The following BSPH1 variants were observed in gnomAD, a reference collection of about 807,000 sequenced individuals.
BSPH1 encodes binder of sperm protein homolog 1, also known as binder of sperm 1.
In BSPH1, 21 loss-of-function variants were observed where a neutral mutation model predicts 22.5. The observed-to-expected ratio is 0.93, with a 90% CI of 0.66 to 1.35. BSPH1 has a LOEUF of 1.35. Ranked by LOEUF, BSPH1 falls within the 40% of genes most tolerant of loss-of-function variation. The pLI is 0.00. For synonymous variants in BSPH1, 42 were observed against 53.6 expected (o/e 0.78, Z 0.95); for missense variants, 141 against 154.2 (o/e 0.91, Z 0.45).
chr19:47,976,978 C>T, intron 4 of BSPH1, 124 bp from the exon 5 acceptor site: 1 of 890,426 alleles, frequency 1.1e-6, no homozygotes, highest in Non-Finnish European at 1.7e-6. Flanking sequence ...CAAATGTGCA[C>T]ACATACACAT....
intron 1 of BSPH1, among the ~76,000 whole-genome samples, chr19:47,984,171 TATATATATAATATAA>T (rs1287662464): frequency 6.9e-6 from 1 of 145,468 alleles, no homozygotes; most frequent in Non-Finnish European, 1.5e-5. Flanking sequence ...AAAATATATA[TATATATATAATATAA>T]ATATATATAA....
At chr19:47,976,619 A>T in intron 5 of BSPH1, 91 bp downstream of exon 5, 17 of 823,934 alleles carry the variant, frequency 2.1e-5, no homozygotes, top group East Asian at 3.0e-5. Flanking sequence ...CTCTCTAATG[A>T]GAAAGGGTTC....
At chr19:47,978,001 GAT>G (rs10609973) in intron 3 of BSPH1, among the ~76,000 whole-genome samples, 1,310 of 110,436 alleles carry the variant, frequency 0.012, 24 homozygotes, top group East Asian at 0.091. Context: ...GTTAATACAG[GAT>G]ATATATATAT....
intron 1 of BSPH1, among the ~76,000 whole-genome samples, chr19:47,987,241 T>C (rs946062433): frequency 6.6e-6 from 1 of 152,172 alleles, no homozygotes; most frequent in Non-Finnish European, 1.5e-5. Flanking sequence ...ACAATCCAGT[T>C]TGTGGAGGCT....
At chr19:47,981,247 T>C (rs1242698528) in intron 1 of BSPH1, among the ~76,000 whole-genome samples, 3 of 99,912 alleles carry the variant, frequency 3.0e-5, no homozygotes, top group African/African-American at 1.4e-4. Context: ...CACTTCATCA[T>C]AGGTTTCTGA....
intron 4 of BSPH1, among the ~76,000 whole-genome samples, 189 bp from the exon 5 acceptor site, chr19:47,977,043 G>A (rs147867590): frequency 2.0e-5 from 3 of 152,202 alleles, no homozygotes; most frequent in African/African-American, 7.2e-5. Context: ...ACACACACGC[G>A]CAAATACACA....
intron 1 of BSPH1, among the ~76,000 whole-genome samples, chr19:47,989,119 ATTATT>A (rs1232733478): frequency 5.3e-5 from 4 of 75,566 alleles, no homozygotes; most frequent in Admixed American, 1.3e-4. Context: ...TTTTATTATT[ATTATT>A]ATTATTATTA....
At chr19:47,980,522 G>A (rs1318297209) in intron 2 of BSPH1, 1 of 186,040 alleles carries the variant, frequency 5.4e-6, no homozygotes, top group African/African-American at 2.5e-5. Context: ...AGGCTGGAGT[G>A]CAGTGGCGTG....
chr19:47,977,529 T>A (rs772685776), intron 3 of BSPH1, 25 bp from the exon 4 acceptor site: 36 of 1,550,280 alleles, frequency 2.3e-5, no homozygotes, highest in Middle Eastern at 1.7e-4. Flanking sequence ...ATTCTTCCTC[T>A]GTTTCTGGGT....
rs7259334 is a variant in BSPH1, at chr19:47,984,678, A to T, written c.74-3737T>A. Among the ~76,000 whole-genome samples the T allele has an allele frequency of 7.7e-3, 1,169 of 152,274 alleles. 5 individuals carry two copies. Among genetic ancestry groups the T allele is most frequent in the Admixed American group, 0.013 (202 of 15,294 alleles). On this transcript the variant is annotated intron_variant, in intron 1 of 5. Coordinates refer to ENST00000344839, the MANE Select transcript of BSPH1 (RefSeq NM_001128326.2). Reference sequence around the variant, plus strand: ...AACCAAATACCACATGTTCTCACTTATAAGTGGGAACTAAACATTGGGTGC... The same window carrying T: ...AACCAAATACCACATGTTCTCACTTTTAAGTGGGAACTAAACATTGGGTGC...
chr19:47,990,003 C>T (rs932482871), intron 1 of BSPH1, among the ~76,000 whole-genome samples: 2 of 151,470 alleles, frequency 1.3e-5, no homozygotes, highest in Admixed American at 1.3e-4. Flanking sequence ...CCTTTAGTCC[C>T]AGCTACTCGG....
chr19:47,984,040 T>A (rs1969444864), intron 1 of BSPH1, among the ~76,000 whole-genome samples: 1 of 151,430 alleles, frequency 6.6e-6, no homozygotes, highest in African/African-American at 2.4e-5. Flanking sequence ...AGAGACAGGG[T>A]TTTGCCATGT....
rs575248047 is a variant in BSPH1 at position 47,984,895 on chromosome 19, T to C, written c.74-3954A>G. On this transcript the variant is annotated intron_variant, in intron 1 of 5. Transcript: ENST00000344839. ...TTCAAGACCAGCCTGGCCAACATGATGAAATCCCGTCTCTACTAAAAATTA... is the reference window on the plus strand; with the variant it reads ...TTCAAGACCAGCCTGGCCAACATGACGAAATCCCGTCTCTACTAAAAATTA... Among the ~76,000 whole-genome samples the C allele has an allele frequency of 1.7e-4, 26 of 151,836 alleles. 1 individual carries two copies. The highest frequency in any genetic ancestry group is 5.6e-4 in the African/African-American group (23 of 41,418).
intron 3 of BSPH1, among the ~76,000 whole-genome samples, chr19:47,979,263 A>G (rs1213987042): frequency 6.6e-6 from 1 of 151,954 alleles, no homozygotes; most frequent in Non-Finnish European, 1.5e-5. Flanking sequence ...GAGACAAAAT[A>G]TTTCTCTACT....
chr19:47,980,596 G>A (rs1412598951), intron 2 of BSPH1, among the ~76,000 whole-genome samples: 2 of 151,178 alleles, frequency 1.3e-5, no homozygotes, highest in African/African-American at 4.9e-5. Flanking sequence ...AGCCTCGGGA[G>A]TAGCTGGGAC....
At chr19:47,971,320 C>T (rs1427335163) in intron 5 of BSPH1, among the ~76,000 whole-genome samples, 1 of 152,168 alleles carries the variant, frequency 6.6e-6, no homozygotes, top group Non-Finnish European at 1.5e-5. Context: ...ATTCTCCTGC[C>T]TCAGCCTCCG....
chr19:47,988,312 G>A (rs544747343), intron 1 of BSPH1, among the ~76,000 whole-genome samples: 112 of 152,254 alleles, frequency 7.4e-4, no homozygotes, highest in African/African-American at 2.6e-3. Flanking sequence ...TGTTCTGAGC[G>A]TCACGCATGC....
At chr19:47,980,893 G>A (rs10422554) in intron 2 of BSPH1, 28 bp downstream of exon 2, 565,780 of 1,348,812 alleles carry the variant, frequency 0.42, 121,467 homozygotes, top group African/African-American at 0.48. Flanking sequence ...GAAAAGAAAC[G>A]CTAATAAAAG....
intron 5 of BSPH1, among the ~76,000 whole-genome samples, 176 bp downstream of exon 5, chr19:47,976,534 G>A (rs1261128038): frequency 5.0e-5 from 6 of 120,914 alleles, no homozygotes; most frequent in African/African-American, 1.9e-4. Flanking sequence ...ATCCTGAATC[G>A]AAAACCTCTA....
Sources: allele counts gnomAD v4.1 joint callset (sites outside exome capture counted in the v4.1 genomes callset), GRCh38; gene constraint gnomAD v4.1.1; transcripts MANE v1.5; gene names NCBI Gene and HGNC (gene_info 2026-07-23, HGNC 2026-07-21).